SRRM4: variants seen among roughly 807,000 people sequenced by gnomAD.
SRRM4 encodes the protein serine/arginine repetitive matrix 4, also known as serine/arginine repetitive matrix protein 4.
SRRM4 carries 33 observed loss-of-function variants against 68.9 expected under a neutral mutation model. The observed-to-expected ratio is 0.48, with a 90% CI of 0.36 to 0.64. The LOEUF is 0.64. Ranked by LOEUF, SRRM4 falls within the 30% of genes least tolerant of loss-of-function variation. The pLI is 0.00. For synonymous variants in SRRM4, 318 were observed against 318.8 expected, an observed-to-expected ratio of 1.00 and a Z score of 0.03; for missense variants, 817 against 827.1, an observed-to-expected ratio of 0.99 and a Z score of 0.15.
intron 1 of SRRM4, among the ~76,000 whole-genome samples, chr12:119,093,283 A>G (rs1478116334): frequency 6.6e-6 from 1 of 152,140 alleles, no homozygotes; most frequent in Non-Finnish European, 1.5e-5. Context: ...CAGTGCCTGC[A>G]CATAATAGAT....
chr12:119,076,737 G>A lies in SRRM4; in HGVS notation c.132-25499G>A, dbSNP rs1341345859. 5.3e-5 allele frequency among the ~76,000 whole-genome samples: 8 copies of A among 152,162 alleles called. No homozygotes were observed. The South Asian group carries it at 1.2e-3, about 24-fold the overall frequency. The stretch of plus-strand genomic sequence containing the variant: ...GGCGCTTTGCTGATTCAGAGGAACC[G>A]CTCTCAGGGAGGTGGAAGCCAAACA... On this transcript the variant is annotated intron_variant, in intron 1 of 12. Transcript: ENST00000267260.
intron 1 of SRRM4, among the ~76,000 whole-genome samples, chr12:119,049,466 A>G (rs77794292): frequency 1.3e-5 from 2 of 152,202 alleles, no homozygotes; most frequent in African/African-American, 4.8e-5. Flanking sequence ...GCTTTATAAT[A>G]TGAGTGAGAT....
At chr12:119,077,972 A>G (rs1953926325) in intron 1 of SRRM4, among the ~76,000 whole-genome samples, 2 of 152,106 alleles carry the variant, frequency 1.3e-5, no homozygotes, top group Admixed American at 6.5e-5. Context: ...TTTGCCTCTC[A>G]CTAGCTCAAA....
intron 1 of SRRM4, among the ~76,000 whole-genome samples, chr12:119,011,328 T>C (rs1953448354): frequency 2.0e-5 from 3 of 152,312 alleles, no homozygotes; most frequent in Admixed American, 2.0e-4. Context: ...GCCAGCCAGA[T>C]AATACTTCCT....
chr12:119,110,118 C>G (rs1049745058), intron 2 of SRRM4, among the ~76,000 whole-genome samples: 1 of 152,272 alleles, frequency 6.6e-6, no homozygotes, highest in Admixed American at 6.5e-5. Flanking sequence ...CTGGGTATCA[C>G]CAGCGGAGGC....
At chr12:119,084,339 C>A (rs1191072124) in intron 1 of SRRM4, among the ~76,000 whole-genome samples, 1 of 152,214 alleles carries the variant, frequency 6.6e-6, no homozygotes, top group Non-Finnish European at 1.5e-5. Context: ...GGCAGGCAAA[C>A]AACTGGACAT....
chr12:119,113,821 T>C (rs988753142), intron 2 of SRRM4, among the ~76,000 whole-genome samples: 1 of 152,188 alleles, frequency 6.6e-6, no homozygotes, highest in Non-Finnish European at 1.5e-5. Flanking sequence ...TCTCGTTACA[T>C]TAGACCTTGG....
chr12:119,041,378 G>C (rs1953668019), intron 1 of SRRM4, among the ~76,000 whole-genome samples: 1 of 152,190 alleles, frequency 6.6e-6, no homozygotes, highest in Non-Finnish European at 1.5e-5. Context: ...AATATGCCTT[G>C]ATTAATCTTA....
chr12:119,129,651 G>A (rs979319761), intron 7 of SRRM4, among the ~76,000 whole-genome samples: 1 of 152,158 alleles, frequency 6.6e-6, no homozygotes, highest in Non-Finnish European at 1.5e-5. Flanking sequence ...ATCTGGATGG[G>A]GACCTTTTCT....
rs114064191 is a variant in SRRM4, at chr12:119,112,842, C to T, written c.279-1436C>T. 7.6e-3 allele frequency among the ~76,000 whole-genome samples: 1,152 copies of T among 152,194 alleles called. 22 individuals are homozygous for T. Among genetic ancestry groups the T allele is most frequent in the African/African-American group, 0.026 (1,092 of 41,488 alleles). The stretch of plus-strand genomic sequence containing the variant: ...TGAGGAAGAGCATTAGGGAAAAGAG[C>T]AAATGCATGCTGGGCTTAATACCTA... On this transcript the variant is annotated intron_variant, in intron 2 of 12. Transcript: ENST00000267260.
At chr12:119,145,266 C>T in intron 8 of SRRM4, 115 bp from the exon 9 acceptor site, 3 of 909,318 alleles carry the variant, frequency 3.3e-6, no homozygotes, top group Non-Finnish European at 4.8e-6. Context: ...TTCTTCTCCT[C>T]TCTCTCTCTT....
chr12:119,074,406 G>A (rs1008556816), intron 1 of SRRM4, among the ~76,000 whole-genome samples: 7 of 152,158 alleles, frequency 4.6e-5, no homozygotes, highest in African/African-American at 1.4e-4. Context: ...CAAGGGTCAC[G>A]GTGTTTAGTA....
chr12:119,145,394 G>T lies in SRRM4; in HGVS notation c.785G>T (p.Gly262Val). ...LSARGVITGS[G>V]SAADLFTKTA... is the part of the protein sequence containing the mutation. ...TTTTGCTTTCAGATCACTGGGTCGG[G>T]GTCTGCTGCTGACCTCTTTACCAAA... Residue 262 changes from glycine to valine, a missense_variant, in exon 9 of 13, where the codon GGG becomes GTG. Transcript: ENST00000267260. 6.2e-7 allele frequency: 1 copy of T among 1,603,762 alleles called. No homozygotes were observed. Among genetic ancestry groups the T allele is most frequent in the Non-Finnish European group, 8.5e-7 (1 of 1,174,990 alleles).
rs769392764 is a variant in SRRM4 at position 119,145,686 on chromosome 12, G to A, written c.1076+1G>A. 1 of 1,516,182 alleles carries A rather than the reference G, an allele frequency of 6.6e-7. No homozygotes were observed. The highest frequency in any genetic ancestry group is 8.8e-7 in the Non-Finnish European group (1 of 1,133,070). 93.9% of individuals were successfully genotyped at this position (1,516,182 alleles called of 1,614,324 possible). On this transcript the variant is annotated splice_donor_variant, in intron 9 of 12. Transcript: ENST00000267260. LOFTEE classifies it high-confidence loss of function. ...CCACCAGCAGGGGCAGAGAGTCAAGGTCAGTGCACCACACAGGGTCGGGGG... is the reference window on the plus strand; with the variant it reads ...CCACCAGCAGGGGCAGAGAGTCAAGATCAGTGCACCACACAGGGTCGGGGG...
rs570845170 is a variant in SRRM4, at chr12:119,122,908, G to A, written c.515+788G>A. Reference sequence around the variant, plus strand: ...AGTTAAGCTCCTAGCTCCAGTCTTGGGGCCCCAGCTGTTTCACAGTTTATA... The same window carrying A: ...AGTTAAGCTCCTAGCTCCAGTCTTGAGGCCCCAGCTGTTTCACAGTTTATA... On this transcript the variant is annotated intron_variant, in intron 6 of 12. Transcript: ENST00000267260. 1.3e-5 allele frequency among the ~76,000 whole-genome samples: 2 copies of A among 152,298 alleles called. 1 individual carries two copies. The highest frequency in any genetic ancestry group is 4.8e-5 in the African/African-American group (2 of 41,560).
intron 4 of SRRM4, 53 bp downstream of exon 4, chr12:119,117,061 C>G: frequency 6.9e-7 from 1 of 1,459,346 alleles, no homozygotes; most frequent in Non-Finnish European, 9.6e-7. Context: ...GTGGGGAGGA[C>G]AGTTGATGGC....
At chr12:119,096,193 T>A (rs891494357) in intron 1 of SRRM4, among the ~76,000 whole-genome samples, 3 of 149,528 alleles carry the variant, frequency 2.0e-5, no homozygotes, top group African/African-American at 7.3e-5. Flanking sequence ...GCTAATTTTT[T>A]TTTTTTTTTT....
intron 3 of SRRM4, among the ~76,000 whole-genome samples, chr12:119,116,471 G>A (rs944832391): frequency 1.3e-5 from 2 of 152,206 alleles, no homozygotes; most frequent in African/African-American, 4.8e-5. Flanking sequence ...GAGAACAGCA[G>A]ACAGAAGGAA....
chr12:119,016,531 T>C (rs936757746), intron 1 of SRRM4, among the ~76,000 whole-genome samples: 4 of 152,094 alleles, frequency 2.6e-5, no homozygotes, highest in African/African-American at 9.7e-5. Flanking sequence ...TCAAGAATTA[T>C]GAAAACCATA....
Sources: gnomAD v4.1 joint callset for allele counts (sites outside exome capture counted in the v4.1 genomes callset) on GRCh38, gnomAD v4.1.1 for gene constraint, MANE v1.5 for transcripts, NCBI Gene and HGNC (gene_info 2026-07-23, HGNC 2026-07-21) for gene names.